MLLT10: variants seen among roughly 807,000 people sequenced by gnomAD.
The protein encoded by MLLT10 is protein AF-10.
Under a neutral mutation model 129.1 loss-of-function variants are expected in MLLT10, and 30 were observed. The ratio of observed to expected loss-of-function variants is 0.23; its 90% CI spans 0.17 to 0.32. The LOEUF (loss-of-function observed/expected upper bound fraction) is 0.32. Among genes scored for constraint, MLLT10 ranks in the 10% least tolerant of loss-of-function variants. The probability of loss-of-function intolerance (pLI) is 1.00; values close to 1 mark genes in which losing one functional copy is unlikely to be tolerated. For missense variants in MLLT10, 1,119 were observed against 1,268.3 expected, an observed-to-expected ratio of 0.88 and a Z score of 1.79; for synonymous variants, 490 against 446.4, an observed-to-expected ratio of 1.10 and a Z score of -1.23.
At chr10:21,598,199 C>G (rs1057448339) in intron 5 of MLLT10, among the ~76,000 whole-genome samples, 1 of 152,088 alleles carries the variant, frequency 6.6e-6, no homozygotes, top group Admixed American at 6.6e-5. Flanking sequence ...TTAGTATGGA[C>G]TTATGCTATT....
At chr10:21,704,299 G>A (rs906108441) in intron 13 of MLLT10, among the ~76,000 whole-genome samples, 4 of 148,438 alleles carry the variant, frequency 2.7e-5, no homozygotes, top group Non-Finnish European at 5.9e-5. Flanking sequence ...ATGAGCCACT[G>A]TGCCCAGCCT....
rs531435500 is a variant in MLLT10, at chr10:21,581,784, C to T, written c.241-4510C>T. Among the ~76,000 whole-genome samples the T allele has an allele frequency of 2.0e-4, 31 of 152,270 alleles. No homozygotes were observed. In the South Asian group the frequency reaches 5.6e-3, roughly 27 times the overall value. ...ATGATTGAAAGTTTCCTGAGGCCTC[C>T]TCAGCCATGTGGAACTGTGAGTCAA... On this transcript the variant is annotated intron_variant, in intron 3 of 22. Transcript: ENST00000307729.
At chr10:21,543,877 A>G (rs1326650991) in intron 3 of MLLT10, among the ~76,000 whole-genome samples, 4 of 152,196 alleles carry the variant, frequency 2.6e-5, no homozygotes, top group Non-Finnish European at 5.9e-5. Context: ...GAACCCTAAC[A>G]TGGAAATGTA....
intron 13 of MLLT10, among the ~76,000 whole-genome samples, chr10:21,713,469 T>A (rs897178234): frequency 6.6e-6 from 1 of 152,206 alleles, no homozygotes; most frequent in African/African-American, 2.4e-5. Context: ...TTAAGAAACG[T>A]TTTCTTGCTC....
Position 21,587,444 on chromosome 10 carries a change from AAAAG to A in MLLT10, c.295+1097_295+1100del, listed in dbSNP as rs2042095193. Among the ~76,000 whole-genome samples the A allele has an allele frequency of 2.6e-5, 4 of 151,302 alleles. No homozygotes were observed. In the South Asian group the frequency reaches 6.3e-4, roughly 24 times the overall value. On this transcript the variant is annotated intron_variant, in intron 4 of 22. Coordinates refer to ENST00000307729, the MANE Select transcript of MLLT10 (RefSeq NM_001195626.3). ...GCCTCAAAAAAAAAAAAAAAAAAAA[AAAAG>A]CTGACTTCTGTATCACATTTTGGTA...
chr10:21,543,082 C>T (rs980238270), intron 3 of MLLT10, among the ~76,000 whole-genome samples: 15 of 151,862 alleles, frequency 9.9e-5, no homozygotes, highest in African/African-American at 2.4e-4. Context: ...CCTCAGCCTC[C>T]GGAGTAGCTG....
chr10:21,741,816 A>C, intron 22 of MLLT10, 123 bp from the exon 23 acceptor site: 2 of 945,364 alleles, frequency 2.1e-6, no homozygotes, highest in Non-Finnish European at 3.2e-6. Flanking sequence ...TAGCCTTGCC[A>C]ACTTGCAAGA....
rs1320361756 is a variant in MLLT10 at position 21,690,658 on chromosome 10, CCT to C, written c.1699+8404_1699+8405del. On this transcript the variant is annotated intron_variant, in intron 13 of 22. Coordinates refer to ENST00000307729, the MANE Select transcript of MLLT10 (RefSeq NM_001195626.3). ...CTCTTGTATTTTTTTGTCCGAAATA[CCT>C]CTGTCCTGGAGTTACTGTTTGTGCC... Among the ~76,000 whole-genome samples, 3 of 151,932 alleles carry C rather than the reference CCT, an allele frequency of 2.0e-5. No individual in the cohort carries two copies. In the East Asian group the frequency reaches 5.8e-4, roughly 29 times the overall value.
intron 13 of MLLT10, among the ~76,000 whole-genome samples, chr10:21,682,672 C>A (rs1190655867): frequency 6.6e-6 from 1 of 151,962 alleles, no homozygotes; most frequent in Non-Finnish European, 1.5e-5. Flanking sequence ...TTATTTTACC[C>A]CTGTATTCCA....
At chr10:21,635,144 G>A (rs557849828) in intron 8 of MLLT10, among the ~76,000 whole-genome samples, 1 of 152,092 alleles carries the variant, frequency 6.6e-6, no homozygotes, top group East Asian at 1.9e-4. Flanking sequence ...ACTCTTCCTG[G>A]TTTCAGCTGC....
At chr10:21,620,568 G>T (rs1384867051) in intron 8 of MLLT10, among the ~76,000 whole-genome samples, 1 of 152,140 alleles carries the variant, frequency 6.6e-6, no homozygotes, top group African/African-American at 2.4e-5. Context: ...TATATTATGA[G>T]CTAAATTTTG....
At chr10:21,729,687 T>G (rs2057797667) in intron 16 of MLLT10, among the ~76,000 whole-genome samples, 1 of 152,178 alleles carries the variant, frequency 6.6e-6, no homozygotes, top group South Asian at 2.1e-4. Context: ...CCGTCCTGTT[T>G]CCTCATTTGA....
intron 21 of MLLT10, among the ~76,000 whole-genome samples, chr10:21,736,951 A>G (rs904578998): frequency 6.6e-6 from 1 of 152,226 alleles, no homozygotes; most frequent in African/African-American, 2.4e-5. Context: ...AAGGCTATTG[A>G]GAAACTGTGG....
chr10:21,566,032 A>AC (rs1588974609), intron 3 of MLLT10, among the ~76,000 whole-genome samples: 4 of 129,734 alleles, frequency 3.1e-5, no homozygotes, highest in Non-Finnish European at 6.1e-5. Flanking sequence ...GGCTCACTGC[A>AC]CCCTCCACCT....
chr10:21,659,167 T>C (rs2049915092), intron 9 of MLLT10, among the ~76,000 whole-genome samples: 1 of 152,166 alleles, frequency 6.6e-6, no homozygotes, highest in African/African-American at 2.4e-5. Context: ...TTCATTCTTT[T>C]AATCTTTTGA....
rs561849123 is a variant in MLLT10 at position 21,582,786 on chromosome 10, C to G, written c.241-3508C>G. 9.2e-5 allele frequency among the ~76,000 whole-genome samples: 14 copies of G among 152,322 alleles called. No individual in the cohort carries two copies. In the East Asian group the frequency reaches 2.5e-3, roughly 27 times the overall value. On this transcript the variant is annotated intron_variant, in intron 3 of 22. Coordinates refer to ENST00000307729, the MANE Select transcript of MLLT10 (RefSeq NM_001195626.3). ...GTCAAAGATGACGTATACTAGGTGT[C>G]TTGCGTGAGCAATGTGTCATTGAAA...
At chr10:21,556,337 A>G (rs2037957397) in intron 3 of MLLT10, among the ~76,000 whole-genome samples, 2 of 152,218 alleles carry the variant, frequency 1.3e-5, no homozygotes, top group Admixed American at 6.5e-5. Context: ...GATAGACTTC[A>G]TCATAAGTGA....
intron 9 of MLLT10, among the ~76,000 whole-genome samples, chr10:21,668,227 G>A (rs1444295718): frequency 6.6e-6 from 1 of 152,114 alleles, no homozygotes; most frequent in Non-Finnish European, 1.5e-5. Context: ...GAATACAAAA[G>A]TGAGGAAACA....
At chr10:21,600,368 AACACACACACACAC>A (rs199618726) in intron 5 of MLLT10, among the ~76,000 whole-genome samples, 7 of 144,544 alleles carry the variant, frequency 4.8e-5, no homozygotes, top group Admixed American at 7.0e-5. Context: ...CCTGAGATAG[AACACACACACACAC>A]ACACACACAC....
Sources: allele counts gnomAD v4.1 joint callset (sites outside exome capture counted in the v4.1 genomes callset), GRCh38; gene constraint gnomAD v4.1.1; transcripts MANE v1.5; gene names NCBI Gene and HGNC (gene_info 2026-07-23, HGNC 2026-07-21).